GGT1: variants seen among roughly 807,000 people sequenced by gnomAD.
GGT1 encodes the protein glutathione hydrolase 1 proenzyme.
GGT1 carries 21 observed loss-of-function variants against 56.0 expected under a neutral mutation model. The ratio of observed to expected loss-of-function variants is 0.38; its 90% CI spans 0.27 to 0.54. The LOEUF (loss-of-function observed/expected upper bound fraction) is 0.54. Among genes scored for constraint, GGT1 ranks in the 20% least tolerant of loss-of-function variants. The pLI is 0.82. For missense variants in GGT1, 466 were observed against 787.0 expected (o/e 0.59, Z 4.88); for synonymous variants, 238 against 342.6 (o/e 0.69, Z 3.37).
chr22:24,594,465 T>G (rs1369421363), upstream of GGT1, among the ~76,000 whole-genome samples: 3 of 151,616 alleles, frequency 2.0e-5, no homozygotes, highest in Non-Finnish European at 2.9e-5. Context: ...TTCCTTCCTT[T>G]GGGTTAAGCA....
intron 4 of GGT1, 57 bp from the exon 5 acceptor site, chr22:24,611,018 G>C: frequency 6.6e-7 from 1 of 1,510,870 alleles, no homozygotes; most frequent in South Asian, 1.2e-5. Context: ...CTGTTGGGGA[G>C]GGGCCAGGGA....
chr22:24,587,186 C>T, the GGT1 span, among the ~76,000 whole-genome samples: 12 of 152,224 alleles, frequency 7.9e-5, no homozygotes, highest in Admixed American at 1.3e-4. Flanking sequence ...TACAAAGGGA[C>T]GGCTATTAGG....
chr22:24,596,742 CAAAAAA>C (rs57547019), intron 1 of GGT1, among the ~76,000 whole-genome samples: 3 of 108,346 alleles, frequency 2.8e-5, no homozygotes, highest in Admixed American at 1.0e-4. Context: ...TACTAAAATA[CAAAAAA>C]AAAAAAAAAA....
At position 24,627,845 on chromosome 22, in the gene GGT1, G is replaced by A; in HGVS notation, c.1209-7G>A. ...GTCGGGCACTGTCTGACCTGGCTGGGCGGTAGCTTTGGCTCCAAGGTCCGC... is the reference window on the plus strand; with the variant it reads ...GTCGGGCACTGTCTGACCTGGCTGGACGGTAGCTTTGGCTCCAAGGTCCGC... On this transcript the variant is annotated splice_polypyrimidine_tract_variant and splice_region_variant and intron_variant, in intron 12 of 15. Coordinates refer to ENST00000400382, the MANE Select transcript of GGT1 (RefSeq NM_001288833.2). 6.2e-7 allele frequency: 1 copy of A among 1,611,426 alleles called. No homozygotes were observed. The highest frequency in any genetic ancestry group is 1.3e-5 in the African/African-American group (1 of 75,020).
In GGT1 at chr22:24,623,969, C is replaced by G. The variant is rs901403237; in HGVS notation, c.1020+53C>G. The G allele has an allele frequency of 1.4e-5, 22 of 1,607,514 alleles. No individual in the cohort carries two copies. The African/African-American group carries it at 2.4e-4, about 18-fold the overall frequency. ...GGTGTGGGGCCTGCCATAGAGGCAT[C>G]AGGTGGGCTCCCCAGGGTGGCTACA... is the stretch of plus-strand genomic sequence containing the variant. On this transcript the variant is annotated intron_variant, in intron 11 of 15. Transcript: ENST00000400382.
chr22:24,593,816 C>A (rs1015059872), upstream of GGT1, among the ~76,000 whole-genome samples: 5 of 151,980 alleles, frequency 3.3e-5, no homozygotes, highest in Admixed American at 3.3e-4. Context: ...GAAAAGAAAT[C>A]TCTGCAGCTG....
upstream of GGT1, among the ~76,000 whole-genome samples, chr22:24,590,438 A>AGGG (rs1389919265): frequency 6.6e-6 from 1 of 152,124 alleles, no homozygotes; most frequent in African/African-American, 2.4e-5. Context: ...GGATAAGTAG[A>AGGG]GGGGAGGGAC....
Position 24,623,814 on chromosome 22 carries a change from C to T in GGT1, c.918C>T (p.Pro306=), listed in dbSNP as rs200393738. The change falls in exon 11 of 16, where the codon CCC becomes CCT. Residue 306 remains proline (P), a synonymous_variant. Coordinates refer to ENST00000400382, the MANE Select transcript of GGT1 (RefSeq NM_001288833.2). ...TCTCCCGGGAGAGCGTGGAGAGCCCCGAGCAGAAGGGCCTGACGTACCACC... is the reference window on the plus strand; with the variant it reads ...TCTCCCGGGAGAGCGTGGAGAGCCCTGAGCAGAAGGGCCTGACGTACCACC... ...YNFSRESVES[P]EQKGLTYHRI... The T allele has an allele frequency of 4.4e-5, 71 of 1,611,734 alleles. No homozygotes were observed. Among genetic ancestry groups the T allele is most frequent in the Non-Finnish European group, 5.3e-5 (63 of 1,179,838 alleles).
chr22:24,601,477 G>T (rs1360390331), upstream of GGT1, among the ~76,000 whole-genome samples: 1 of 152,192 alleles, frequency 6.6e-6, no homozygotes, highest in Non-Finnish European at 1.5e-5. Flanking sequence ...CTTTGGGCAG[G>T]TCCCTTCCCC....
chr22:24,587,853 C>T, the GGT1 span, among the ~76,000 whole-genome samples: 1 of 152,196 alleles, frequency 6.6e-6, no homozygotes, highest in South Asian at 2.1e-4. Context: ...ATCTGCCTCC[C>T]CCGCAACCTG....
chr22:24,598,445 C>CAAAAAAA (rs1186508492), upstream of GGT1, among the ~76,000 whole-genome samples: 9 of 75,728 alleles, frequency 1.2e-4, no homozygotes, highest in East Asian at 4.2e-4. Flanking sequence ...GACTCCGTCT[C>CAAAAAAA]AAAAAAAAAA....
At chr22:24,586,168 C>G in the GGT1 span, 6 of 1,613,590 alleles carry the variant, frequency 3.7e-6, no homozygotes, top group Non-Finnish European at 4.2e-6. Flanking sequence ...GGGCAGTGGC[C>G]CGCGTCAGTC....
Position 24,628,460 on chromosome 22 carries a change from A to G in GGT1, c.1563+72A>G. The G allele has an allele frequency of 1.3e-6, 2 of 1,598,956 alleles. No individual in the cohort carries two copies. Among genetic ancestry groups the G allele is most frequent in the Non-Finnish European group, 1.7e-6 (2 of 1,173,560 alleles). On this transcript the variant is annotated intron_variant, in intron 15 of 15. Coordinates refer to ENST00000400382, the MANE Select transcript of GGT1 (RefSeq NM_001288833.2). The surrounding 1 kb of genome is among the most constrained non-coding windows in gnomAD (Gnocchi z 5.7). ...GCATCCTGGGCTGGAGGCCTGGATC[A>G]TCACAGAGTGGACAATGGTTGGTGT... is the stretch of plus-strand genomic sequence containing the variant.
upstream of GGT1, chr22:24,592,783 T>C (rs2045610686): frequency 8.0e-7 from 1 of 1,249,448 alleles, no homozygotes; most frequent in Non-Finnish European, 1.0e-6. Flanking sequence ...CCACAACCCA[T>C]AGCCCCGCGC....
At chr22:24,586,014 G>A in the GGT1 span, 1 of 1,611,120 alleles carries the variant, frequency 6.2e-7, no homozygotes, top group Non-Finnish European at 8.5e-7. Context: ...TAGATGGTGG[G>A]GAGTGAGGTG....
intron 1 of GGT1, among the ~76,000 whole-genome samples, chr22:24,606,335 T>G (rs1420178749): frequency 6.6e-6 from 1 of 151,556 alleles, no homozygotes; most frequent in Non-Finnish European, 1.5e-5. Flanking sequence ...CCCCTTCCTG[T>G]GTCCAAGTGT....
At chr22:24,590,194 G>A (rs902901195), upstream of GGT1, among the ~76,000 whole-genome samples, 12 of 152,090 alleles carry the variant, frequency 7.9e-5, no homozygotes, top group Non-Finnish European at 1.8e-4. Flanking sequence ...GTGCAGTGGC[G>A]TGATCTCAGT....
At position 24,620,774 on chromosome 22, in the gene GGT1, G is replaced by C; in HGVS notation, c.576-139G>C. The C allele has an allele frequency of 1.4e-6, 2 of 1,454,922 alleles. No individual in the cohort carries two copies. The highest frequency in any genetic ancestry group is 2.8e-5 in the South Asian group (2 of 70,208). 90.1% of individuals were successfully genotyped at this position (1,454,922 alleles called of 1,614,324 possible). ...CTCCCGGAAGGGACACTAGGAAGAC[G>C]AGCGCTGAGTGACAGGGCCACCCAC... On this transcript the variant is annotated intron_variant, in intron 8 of 15. Coordinates refer to ENST00000400382, the MANE Select transcript of GGT1 (RefSeq NM_001288833.2). This position sits in a 1 kb window ranked among gnomAD's most constrained non-coding sequence, Gnocchi z 5.6.
At chr22:24,585,027 C>T in the GGT1 span, among the ~76,000 whole-genome samples, 11 of 152,174 alleles carry the variant, frequency 7.2e-5, no homozygotes, top group African/African-American at 2.6e-4. Context: ...GCATGCTCTC[C>T]CACACGGGGA....
Sources: allele counts gnomAD v4.1 joint callset (sites outside exome capture counted in the v4.1 genomes callset), GRCh38; gene constraint gnomAD v4.1.1; non-coding constraint Gnocchi (gnomAD v3.1); transcripts MANE v1.5; gene names NCBI Gene and HGNC (gene_info 2026-07-23, HGNC 2026-07-21).